The following PPFIA2 variants were observed in gnomAD, a reference collection of about 807,000 sequenced individuals.
PPFIA2 encodes the protein PPFI scaffold protein A2, also known as liprin-alpha-2.
Under a neutral mutation model 175.5 loss-of-function variants are expected in PPFIA2, and 46 were observed. That is an observed-to-expected ratio of 0.26 (90% CI 0.21 to 0.34). The LOEUF (loss-of-function observed/expected upper bound fraction) is 0.34, where lower values mean the gene tolerates loss of function less well. Ranked by LOEUF, PPFIA2 falls within the 10% of genes least tolerant of loss-of-function variation. PPFIA2 has a pLI of 1.00. For missense variants in PPFIA2, 1,179 were observed against 1,506.1 expected (o/e 0.78, Z 3.60); for synonymous variants, 568 against 511.4 (o/e 1.11, Z -1.49).
intron 4 of PPFIA2, among the ~76,000 whole-genome samples, chr12:81,499,052 A>C (rs908781187): frequency 6.6e-6 from 1 of 152,258 alleles, no homozygotes; most frequent in East Asian, 1.9e-4. Flanking sequence ...GCCATAAGCC[A>C]ATACTATAAA....
intron 4 of PPFIA2, among the ~76,000 whole-genome samples, chr12:81,511,814 T>C (rs1159590185): frequency 6.6e-6 from 1 of 152,006 alleles, no homozygotes; most frequent in East Asian, 1.9e-4. Context: ...GCTGATTGTC[T>C]AACTGAATAG....
chr12:81,445,485 G>T, intron 6 of PPFIA2, 71 bp downstream of exon 6: 1 of 1,445,380 alleles, frequency 6.9e-7, no homozygotes, highest in Non-Finnish European at 9.4e-7. Context: ...GTGAGTCAAT[G>T]GATGAAGACA....
At chr12:81,614,627 C>G (rs568436847) in intron 4 of PPFIA2, among the ~76,000 whole-genome samples, 1 of 152,110 alleles carries the variant, frequency 6.6e-6, no homozygotes, top group Non-Finnish European at 1.5e-5. Flanking sequence ...TCTTACCTTG[C>G]TAGCAAATAC....
chr12:81,709,912 A>G (rs1040041190), intron 3 of PPFIA2, among the ~76,000 whole-genome samples: 3 of 152,076 alleles, frequency 2.0e-5, no homozygotes, highest in African/African-American at 7.2e-5. Context: ...ATATTGCCAT[A>G]CTGTCTTCCC....
chr12:81,568,457 C>A (rs2071792298), intron 4 of PPFIA2, among the ~76,000 whole-genome samples: 1 of 152,096 alleles, frequency 6.6e-6, no homozygotes, highest in African/African-American at 2.4e-5. Context: ...TTAGCTAAGC[C>A]CCTAGCTCTA....
chr12:81,291,948 C>A (rs2045148313), intron 24 of PPFIA2, among the ~76,000 whole-genome samples: 1 of 152,056 alleles, frequency 6.6e-6, no homozygotes, highest in Non-Finnish European at 1.5e-5. Flanking sequence ...GAGGCTAGAT[C>A]ATAAAGCTTT....
chr12:81,698,592 T>C lies in PPFIA2; in HGVS notation c.250-21748A>G, dbSNP rs12831905. On this transcript the variant is annotated intron_variant, in intron 3 of 32. Coordinates refer to ENST00000549396, the MANE Select transcript of PPFIA2 (RefSeq NM_003625.5). ...GAATAAAGAGCCAGAGGAAAGAACA[T>C]GAAGAATTAGAAGTGTCAGGAAATA... Among the ~76,000 whole-genome samples, 1,000 of 152,226 alleles carry C rather than the reference T, an allele frequency of 6.6e-3. 18 individuals are homozygous for C. The highest frequency in any genetic ancestry group is 0.023 in the African/African-American group (948 of 41,546).
Position 81,463,824 on chromosome 12 carries a change from G to A in PPFIA2, c.304-5958C>T, listed in dbSNP as rs190991510. Among the ~76,000 whole-genome samples the A allele has an allele frequency of 2.6e-3, 394 of 152,052 alleles. 1 individual carries two copies. The highest frequency in any genetic ancestry group is 9.1e-3 in the African/African-American group (379 of 41,502). ...TCTCAATAGTAATTCAGCTCATGGTGTAAAGCAATAGTTTCTTTATTTAAA... is the reference window on the plus strand; with the variant it reads ...TCTCAATAGTAATTCAGCTCATGGTATAAAGCAATAGTTTCTTTATTTAAA... On this transcript the variant is annotated intron_variant, in intron 4 of 32. Transcript: ENST00000549396.
At chr12:81,551,733 T>G (rs2067960941) in intron 4 of PPFIA2, among the ~76,000 whole-genome samples, 1 of 151,980 alleles carries the variant, frequency 6.6e-6, no homozygotes, top group African/African-American at 2.4e-5. Context: ...ACTGTTATTT[T>G]AGAAGTGATT....
At chr12:81,612,134 G>A (rs1447525155) in intron 4 of PPFIA2, among the ~76,000 whole-genome samples, 1 of 151,996 alleles carries the variant, frequency 6.6e-6, no homozygotes, top group Non-Finnish European at 1.5e-5. Flanking sequence ...GGTGGGAGCA[G>A]TGCTTTCTGG....
intron 4 of PPFIA2, among the ~76,000 whole-genome samples, chr12:81,646,777 G>T (rs966968574): frequency 1.2e-4 from 18 of 152,048 alleles, no homozygotes; most frequent in South Asian, 2.1e-4. Flanking sequence ...AGATAAAGGG[G>T]AGTGGACATT....
intron 21 of PPFIA2, among the ~76,000 whole-genome samples, chr12:81,327,968 G>C (rs1197620337): frequency 6.6e-6 from 1 of 151,962 alleles, no homozygotes; most frequent in Non-Finnish European, 1.5e-5. Flanking sequence ...AGTACAAATG[G>C]GACGTAAGGC....
chr12:81,262,603 T>C (rs776898236), intron 31 of PPFIA2, among the ~76,000 whole-genome samples: 2 of 152,166 alleles, frequency 1.3e-5, no homozygotes, highest in African/African-American at 4.8e-5. Flanking sequence ...AGAAATAATT[T>C]TGTGACTACT....
intron 3 of PPFIA2, among the ~76,000 whole-genome samples, chr12:81,750,730 A>T (rs1597203789): frequency 6.6e-6 from 1 of 152,314 alleles, no homozygotes; most frequent in Non-Finnish European, 1.5e-5. Context: ...GTTAAAAATT[A>T]TTGTTGCATA....
At chr12:81,702,715 TA>T (rs1459399022) in intron 3 of PPFIA2, among the ~76,000 whole-genome samples, 2 of 152,116 alleles carry the variant, frequency 1.3e-5, no homozygotes, top group Admixed American at 1.3e-4. Context: ...CTGTGTGCCC[TA>T]AAAATTCATA....
At chr12:81,344,187 C>T (rs1249998385) in intron 19 of PPFIA2, among the ~76,000 whole-genome samples, 2 of 152,068 alleles carry the variant, frequency 1.3e-5, no homozygotes, top group African/African-American at 4.8e-5. Context: ...GACGCTGGTG[C>T]TGTCCTGAGG....
intron 21 of PPFIA2, among the ~76,000 whole-genome samples, chr12:81,328,453 T>C (rs867524414): frequency 1.3e-5 from 2 of 152,328 alleles, no homozygotes; most frequent in Middle Eastern, 6.8e-3. Context: ...AAATTTTAAG[T>C]GATCATGTGT....
At chr12:81,325,001 G>T (rs979955394) in intron 22 of PPFIA2, among the ~76,000 whole-genome samples, 1 of 151,886 alleles carries the variant, frequency 6.6e-6, no homozygotes, top group African/African-American at 2.4e-5. Context: ...ACCAAATGAT[G>T]ATGAGAGCAG....
At chr12:81,729,498 C>T (rs2080552590) in intron 3 of PPFIA2, among the ~76,000 whole-genome samples, 1 of 151,502 alleles carries the variant, frequency 6.6e-6, no homozygotes, top group Non-Finnish European at 1.5e-5. Flanking sequence ...GCAGCACATA[C>T]TTTATTATTG....
Sources: gnomAD v4.1 joint callset for allele counts (sites outside exome capture counted in the v4.1 genomes callset) on GRCh38, gnomAD v4.1.1 for gene constraint, MANE v1.5 for transcripts, NCBI Gene and HGNC (gene_info 2026-07-23, HGNC 2026-07-21) for gene names.